The following CPA6 variants were observed in gnomAD, a reference collection of about 807,000 sequenced individuals.
CPA6 encodes carboxypeptidase B.
A neutral mutation model predicts 63.3 loss-of-function variants in CPA6; 58 were observed. The ratio of observed to expected loss-of-function variants is 0.92; its 90% CI spans 0.74 to 1.14. The LOEUF is 1.14. CPA6 is among the 50% of genes most tolerant of loss of function. CPA6 has a pLI of 0.00. For synonymous variants in CPA6, 185 were observed against 179.0 expected, an observed-to-expected ratio of 1.03 and a Z score of -0.27; for missense variants, 565 against 526.6, an observed-to-expected ratio of 1.07 and a Z score of -0.71.
chr8:67,647,845 A>C (rs1410238291), intron 1 of CPA6, among the ~76,000 whole-genome samples: 1 of 152,122 alleles, frequency 6.6e-6, no homozygotes, highest in Non-Finnish European at 1.5e-5. Flanking sequence ...AGGCCATTAT[A>C]TGTTCTTCAA....
rs1044199342 is a variant in CPA6, at chr8:67,588,110, G to C, written c.192+36066C>G. On this transcript the variant is annotated intron_variant, in intron 2 of 10. Coordinates refer to ENST00000297770, the MANE Select transcript of CPA6 (RefSeq NM_020361.5). ...GGGGATTGCTATTCCTAGATTTATT[G>C]ATAACTGGGTAGTTGGTGTAAATGA... is the stretch of plus-strand genomic sequence containing the variant. Among the ~76,000 whole-genome samples the C allele has an allele frequency of 3.3e-5, 5 of 152,158 alleles. No individual in the cohort carries two copies. The East Asian group carries it at 9.6e-4, about 29-fold the overall frequency.
Position 67,477,915 on chromosome 8 carries a change from C to T in CPA6, c.838+5853G>A, listed in dbSNP as rs570974245. ...TGTGAAATATGTATTTGGTCTTCAT[C>T]CTGTTTCCTGGAATACATACAGCTC... On this transcript the variant is annotated intron_variant, in intron 8 of 10. Transcript: ENST00000297770. Among the ~76,000 whole-genome samples, 80 of 152,310 alleles carry T rather than the reference C, an allele frequency of 5.3e-4. No individual in the cohort carries two copies. In the South Asian group the frequency reaches 0.016, roughly 30 times the overall value.
chr8:67,649,983 C>T (rs1815800416), intron 1 of CPA6, among the ~76,000 whole-genome samples: 1 of 152,170 alleles, frequency 6.6e-6, no homozygotes, highest in South Asian at 2.1e-4. Context: ...GAGGCTGAGA[C>T]TCAGGAAGTC....
At chr8:67,692,328 CAAAAAAAA>C (rs55676882) in intron 1 of CPA6, among the ~76,000 whole-genome samples, 1 of 89,990 alleles carries the variant, frequency 1.1e-5, no homozygotes, top group Non-Finnish European at 2.3e-5. Flanking sequence ...AATCCTGTCT[CAAAAAAAA>C]AAAAAAAAAA....
chr8:67,585,181 G>A (rs965446247), intron 2 of CPA6, among the ~76,000 whole-genome samples: 2 of 152,064 alleles, frequency 1.3e-5, no homozygotes, highest in Non-Finnish European at 2.9e-5. Context: ...TAGAGTTTGA[G>A]GGTCTGGATC....
chr8:67,598,884 C>G (rs1814416323), intron 2 of CPA6, among the ~76,000 whole-genome samples: 1 of 151,270 alleles, frequency 6.6e-6, no homozygotes, highest in Non-Finnish European at 1.5e-5. Flanking sequence ...AAGATATTTT[C>G]ATAGTAATTC....
intron 6 of CPA6, among the ~76,000 whole-genome samples, chr8:67,503,070 G>A (rs192798165): frequency 5.0e-4 from 76 of 151,880 alleles, no homozygotes; most frequent in Middle Eastern, 6.8e-3. Flanking sequence ...ATGGAGTCTC[G>A]CTCTGTTGCC....
At chr8:67,599,364 C>T (rs533122128) in intron 2 of CPA6, among the ~76,000 whole-genome samples, 1 of 152,320 alleles carries the variant, frequency 6.6e-6, no homozygotes, top group Non-Finnish European at 1.5e-5. Flanking sequence ...ATGTAAAAAG[C>T]CTGAATCATC....
rs887377319 is a variant in CPA6 at position 67,438,867 on chromosome 8, G to GA, written c.839-4628dup. The stretch of plus-strand genomic sequence containing the variant: ...TATTGATTAAATTTAGAAATTGATG[G>GA]AAAAAAAAACTTAAGTATGAGTCTT... On this transcript the variant is annotated intron_variant, in intron 8 of 10. Transcript: ENST00000297770. Among the ~76,000 whole-genome samples the GA allele has an allele frequency of 2.5e-4, 37 of 149,592 alleles. No homozygotes were observed. The East Asian group carries it at 6.0e-3, about 24-fold the overall frequency.
At chr8:67,618,193 C>T (rs7813020) in intron 2 of CPA6, among the ~76,000 whole-genome samples, 95,046 of 152,044 alleles carry the variant, frequency 0.63, 30,507 homozygotes, top group African/African-American at 0.78. Flanking sequence ...ACCATGGCCA[C>T]GATTAAGGGA....
At chr8:67,589,779 C>T (rs1814056772) in intron 2 of CPA6, among the ~76,000 whole-genome samples, 1 of 152,110 alleles carries the variant, frequency 6.6e-6, no homozygotes, top group South Asian at 2.1e-4. Flanking sequence ...ATGCCCTTCC[C>T]CCTAGGCACA....
At chr8:67,629,095 C>A in intron 1 of CPA6, among the ~76,000 whole-genome samples, 1 of 151,946 alleles carries the variant, frequency 6.6e-6, no homozygotes, top group East Asian at 1.9e-4. Context: ...AGCCTGATGA[C>A]AGAGTGAGAC....
intron 2 of CPA6, among the ~76,000 whole-genome samples, chr8:67,542,149 G>A (rs1354926434): frequency 6.6e-6 from 1 of 152,188 alleles, no homozygotes. Context: ...AAGGGCCCTG[G>A]GTTGGGCCCA....
chr8:67,509,246 G>A (rs1035082917), intron 5 of CPA6, among the ~76,000 whole-genome samples: 2 of 152,160 alleles, frequency 1.3e-5, no homozygotes, highest in Admixed American at 1.3e-4. Context: ...CATTTAAATA[G>A]TTTTGCATTG....
chr8:67,424,763 G>C (rs1286759027), intron 10 of CPA6, among the ~76,000 whole-genome samples: 2 of 152,094 alleles, frequency 1.3e-5, no homozygotes, highest in Non-Finnish European at 2.9e-5. Context: ...CCTTCTTTTT[G>C]AAGATTACCA....
intron 6 of CPA6, among the ~76,000 whole-genome samples, chr8:67,495,658 T>C (rs1811695524): frequency 6.6e-6 from 1 of 152,078 alleles, no homozygotes; most frequent in African/African-American, 2.4e-5. Flanking sequence ...CAATGGGATG[T>C]GTTTTTTGCT....
At chr8:67,574,765 A>G (rs75220601) in intron 2 of CPA6, among the ~76,000 whole-genome samples, 10,375 of 152,256 alleles carry the variant, frequency 0.068, 643 homozygotes, top group African/African-American at 0.16. Context: ...TTTAAACATA[A>G]AACCTGAAAA....
intron 1 of CPA6, among the ~76,000 whole-genome samples, chr8:67,744,392 G>C (rs953949932): frequency 6.6e-6 from 1 of 152,066 alleles, no homozygotes; most frequent in Admixed American, 6.6e-5. Flanking sequence ...TTTCCTGAAG[G>C]GTTCCAGTCG....
At chr8:67,457,490 C>T (rs1810702019) in intron 8 of CPA6, among the ~76,000 whole-genome samples, 1 of 152,042 alleles carries the variant, frequency 6.6e-6, no homozygotes, top group African/African-American at 2.4e-5. Flanking sequence ...TTCCTCTTTC[C>T]TCCAGTCAGT....
Sources: allele counts gnomAD v4.1 joint callset (sites outside exome capture counted in the v4.1 genomes callset), GRCh38; gene constraint gnomAD v4.1.1; transcripts MANE v1.5; gene names NCBI Gene and HGNC (gene_info 2026-07-23, HGNC 2026-07-21).